The following CACNA2D3 variants were observed in gnomAD, a reference collection of about 807,000 sequenced individuals.
CACNA2D3 encodes the protein calcium voltage-gated channel auxiliary subunit alpha2delta 3, also known as voltage-dependent calcium channel subunit alpha-2/delta-3.
A neutral mutation model predicts 160.6 loss-of-function variants in CACNA2D3; 60 were observed. That is an observed-to-expected ratio of 0.37 (90% confidence interval 0.30 to 0.46). The LOEUF is 0.46. CACNA2D3 is among the 20% of genes least tolerant of loss of function. The pLI, the probability that CACNA2D3 is intolerant of heterozygous loss-of-function variation, is 1.00. For missense variants in CACNA2D3, 1,205 were observed against 1,365.0 expected (o/e 0.88, Z 1.85); for synonymous variants, 558 against 492.9 (o/e 1.13, Z -1.75).
chr3:54,169,096 G>C (rs542331091), intron 2 of CACNA2D3, among the ~76,000 whole-genome samples: 1 of 152,186 alleles, frequency 6.6e-6, no homozygotes, highest in African/African-American at 2.4e-5. Context: ...CTGCTTGTGA[G>C]CTGTGAGTTA....
chr3:54,334,307 G>A (rs1704329087), intron 3 of CACNA2D3, among the ~76,000 whole-genome samples: 1 of 152,040 alleles, frequency 6.6e-6, no homozygotes, highest in Non-Finnish European at 1.5e-5. Flanking sequence ...GGCTGGTCTT[G>A]ACTCCTGACC....
rs1553731352 is a variant in CACNA2D3 at position 54,141,094 on chromosome 3, C to CGTGCGCGCGCACGT, written c.204+17501_204+17502insTGCGCGCGCACGTG. Among the ~76,000 whole-genome samples, 3 of 81,976 alleles carry CGTGCGCGCGCACGT rather than the reference C, an allele frequency of 3.7e-5. 1 individual carries two copies. Among genetic ancestry groups the CGTGCGCGCGCACGT allele is most frequent in the East Asian group, 1.0e-3 (2 of 1,966 alleles). 53.8% of individuals were successfully genotyped at this position (81,976 alleles called of 152,430 possible). A position where few individuals can be genotyped will look rare whatever the true frequency, so the allele number is the denominator to read the frequency against. On this transcript the variant is annotated intron_variant, in intron 2 of 37. Coordinates refer to ENST00000474759, the MANE Select transcript of CACNA2D3 (RefSeq NM_018398.3). ...GTGTGTGTGTGTGTGTGTGCGCGCGCGCGCGTGTGTGCATGCATGCCTGAG... is the reference window on the plus strand; with the variant it reads ...GTGTGTGTGTGTGTGTGTGCGCGCGCGTGCGCGCGCACGTGCGCGTGTGTGCATGCATGCCTGAG...
chr3:54,654,242 A>T (rs1699833553), intron 11 of CACNA2D3, among the ~76,000 whole-genome samples: 1 of 152,050 alleles, frequency 6.6e-6, no homozygotes, highest in African/African-American at 2.4e-5. Flanking sequence ...GCAGAACCCC[A>T]GAATCTGTGT....
intron 9 of CACNA2D3, chr3:54,626,573 T>A (rs569587897): frequency 6.4e-7 from 1 of 1,570,382 alleles, no homozygotes; most frequent in Non-Finnish European, 8.7e-7. Flanking sequence ...GAGTTCTCCA[T>A]CACCTACAAG....
chr3:54,855,757 C>T (rs906109860), intron 17 of CACNA2D3, among the ~76,000 whole-genome samples: 2 of 152,166 alleles, frequency 1.3e-5, no homozygotes, highest in Admixed American at 6.5e-5. Flanking sequence ...ATAAGCTCCC[C>T]CTTCTGCTCA....
intron 13 of CACNA2D3, among the ~76,000 whole-genome samples, chr3:54,812,623 C>T (rs1703348137): frequency 2.0e-5 from 3 of 152,178 alleles, no homozygotes; most frequent in Admixed American, 1.3e-4. Flanking sequence ...TTTCTCATCC[C>T]TGCTTTCTCT....
intron 31 of CACNA2D3, among the ~76,000 whole-genome samples, chr3:54,993,921 T>TGG (rs1491386264): frequency 7.0e-6 from 1 of 142,978 alleles, no homozygotes; most frequent in African/African-American, 2.7e-5. Context: ...TGTGTGTGTG[T>TGG]TTTGTGTGTG....
At chr3:54,406,361 G>A (rs555287532) in intron 4 of CACNA2D3, among the ~76,000 whole-genome samples, 1 of 152,066 alleles carries the variant, frequency 6.6e-6, no homozygotes, top group Non-Finnish European at 1.5e-5. Context: ...TAGTGTGTAT[G>A]TGTGTATATA....
chr3:54,856,937 T>G (rs1699184843), intron 17 of CACNA2D3, among the ~76,000 whole-genome samples: 1 of 152,178 alleles, frequency 6.6e-6, no homozygotes, highest in African/African-American at 2.4e-5. Context: ...CCTGCCACTA[T>G]GCTCTGATGA....
At chr3:54,583,740 T>C (rs1702715880) in intron 9 of CACNA2D3, among the ~76,000 whole-genome samples, 1 of 152,110 alleles carries the variant, frequency 6.6e-6, no homozygotes, top group African/African-American at 2.4e-5. Flanking sequence ...TTTGGATTAG[T>C]ATGCCTAATC....
chr3:54,223,851 C>CA (rs60397787), intron 2 of CACNA2D3, among the ~76,000 whole-genome samples: 7,941 of 96,562 alleles, frequency 0.082, 339 homozygotes, highest in East Asian at 0.24. Context: ...GACTCTGTCT[C>CA]AAAAAAAAAA....
intron 2 of CACNA2D3, among the ~76,000 whole-genome samples, chr3:54,171,831 C>G (rs745493448): frequency 6.6e-6 from 1 of 152,200 alleles, no homozygotes; most frequent in African/African-American, 2.4e-5. Flanking sequence ...CTTCCCATGT[C>G]TGTCTGCCTG....
chr3:54,699,551 G>A (rs185158902), intron 11 of CACNA2D3, among the ~76,000 whole-genome samples: 1 of 152,190 alleles, frequency 6.6e-6, no homozygotes, highest in Admixed American at 6.5e-5. Flanking sequence ...CTGCTGCCTT[G>A]TGTTTATGTC....
At chr3:55,054,841 T>C (rs1006119097) in intron 35 of CACNA2D3, among the ~76,000 whole-genome samples, 41 of 152,038 alleles carry the variant, frequency 2.7e-4, no homozygotes, top group African/African-American at 8.9e-4. Context: ...AGTTTTATTG[T>C]AGCATGTGTT....
intron 2 of CACNA2D3, among the ~76,000 whole-genome samples, chr3:54,287,199 C>G (rs1703054044): frequency 6.6e-6 from 1 of 152,098 alleles, no homozygotes; most frequent in Admixed American, 6.6e-5. Flanking sequence ...CGTGCAGAGA[C>G]ACACATAGGC....
At chr3:54,270,476 T>C (rs1043116934) in intron 2 of CACNA2D3, among the ~76,000 whole-genome samples, 1 of 152,170 alleles carries the variant, frequency 6.6e-6, no homozygotes, top group Admixed American at 6.5e-5. Context: ...TCTTGAACCA[T>C]GGCTTTGTCA....
At chr3:54,403,676 T>C (rs1293103473) in intron 4 of CACNA2D3, among the ~76,000 whole-genome samples, 1 of 151,824 alleles carries the variant, frequency 6.6e-6, no homozygotes, top group Non-Finnish European at 1.5e-5. Context: ...AAATGAGGGA[T>C]AGAAAAACCA....
intron 4 of CACNA2D3, among the ~76,000 whole-genome samples, chr3:54,443,566 C>G (rs1364857715): frequency 6.6e-6 from 1 of 152,148 alleles, no homozygotes; most frequent in Non-Finnish European, 1.5e-5. Flanking sequence ...GGTATGCTTT[C>G]TTCCTCTCAC....
intron 2 of CACNA2D3, among the ~76,000 whole-genome samples, chr3:54,265,560 A>G (rs143285403): frequency 5.2e-5 from 4 of 76,720 alleles, no homozygotes; most frequent in African/African-American, 1.9e-4. Context: ...GTGTGTGTAT[A>G]GTGTGTATAT....
Sources: allele counts gnomAD v4.1 joint callset (sites outside exome capture counted in the v4.1 genomes callset), GRCh38; gene constraint gnomAD v4.1.1; transcripts MANE v1.5; gene names NCBI Gene and HGNC (gene_info 2026-07-23, HGNC 2026-07-21).